XPA: variants seen among roughly 807,000 people sequenced by gnomAD.
The protein encoded by XPA is DNA repair protein complementing XP-A cells.
XPA carries 27 observed loss-of-function variants against 35.7 expected under a neutral mutation model. That is an observed-to-expected ratio of 0.76 (90% CI 0.56 to 1.04). The LOEUF (loss-of-function observed/expected upper bound fraction) is 1.04. Among genes scored for constraint, XPA ranks in the 50% least tolerant of loss-of-function variants. The pLI is 0.00. For synonymous variants in XPA, 133 were observed against 118.4 expected (o/e 1.12, Z -0.80); for missense variants, 354 against 342.7 (o/e 1.03, Z -0.26).
At chr9:97,693,373 A>C (rs554235246) in intron 2 of XPA, among the ~76,000 whole-genome samples, 2 of 152,284 alleles carry the variant, frequency 1.3e-5, no homozygotes, top group South Asian at 4.1e-4. Context: ...CTACCAATCA[A>C]TATACTGGCT....
chr9:97,658,596 G>A, the XPA span: 3 of 1,438,734 alleles, frequency 2.1e-6, no homozygotes, highest in Non-Finnish European at 2.0e-6. Flanking sequence ...CCGAAGAATG[G>A]GACTGATAAA....
chr9:97,697,089 A>T, intron 1 of XPA, 32 bp downstream of exon 1: 1 of 1,510,464 alleles, frequency 6.6e-7, no homozygotes, highest in Non-Finnish European at 8.8e-7. Context: ...AGGCGGGGAG[A>T]GGGAAGGGGA....
At chr9:97,669,075 C>G in the XPA span, 4 of 1,307,472 alleles carry the variant, frequency 3.1e-6, no homozygotes, top group Non-Finnish European at 3.1e-6. Flanking sequence ...AATACACATT[C>G]ATTTATAGAA....
chr9:97,688,582 G>A (rs943444337), intron 3 of XPA, among the ~76,000 whole-genome samples: 2 of 152,148 alleles, frequency 1.3e-5, no homozygotes, highest in Non-Finnish European at 2.9e-5. Context: ...TAGTGTTTCA[G>A]TTCCCAAAAG....
the XPA span, among the ~76,000 whole-genome samples, chr9:97,667,342 G>A: frequency 1.9e-3 from 295 of 152,274 alleles, 2 homozygotes; most frequent in Middle Eastern, 6.8e-3. Context: ...GGGAAGCAGT[G>A]AGTGACTTAA....
In XPA at chr9:97,693,733, T is replaced by C. The variant is rs767594576; in HGVS notation, c.199A>G (p.Lys67Glu). 2.6e-5 allele frequency: 42 copies of C among 1,613,194 alleles called. No individual in the cohort carries two copies. The highest frequency in any genetic ancestry group is 4.5e-5 in the East Asian group (2 of 44,826). Reference sequence around the variant, plus strand: ...AAGCCTCCTCCTGTGTCAATTATCTTTGGGGCTGCTTTTACATTAGCCATG... The same window carrying C: ...AAGCCTCCTCCTGTGTCAATTATCTCTGGGGCTGCTTTTACATTAGCCATG... ...GGMANVKAAP[K>E]IIDTGGGFIL... Residue 67 changes from lysine to glutamate, a missense_variant, in exon 2 of 6, where the codon AAG becomes GAG. By Grantham distance (56) the Lys-to-Glu change is moderately conservative (BLOSUM62 1). Transcript: ENST00000375128.
At chr9:97,690,547 C>G (rs1412131819) in intron 2 of XPA, among the ~76,000 whole-genome samples, 1 of 152,098 alleles carries the variant, frequency 6.6e-6, no homozygotes, top group Non-Finnish European at 1.5e-5. Flanking sequence ...ACCACCATGC[C>G]CAGTTAATTC....
downstream of XPA, chr9:97,672,478 T>C (rs1385303516): frequency 6.6e-6 from 1 of 152,238 alleles, no homozygotes; most frequent in East Asian, 1.9e-4. Context: ...AAATACAAAA[T>C]ATCCAGAAAA....
chr9:97,665,173 T>C, the XPA span, among the ~76,000 whole-genome samples: 2 of 152,248 alleles, frequency 1.3e-5, no homozygotes, highest in Admixed American at 6.5e-5. Flanking sequence ...ATCAGAAATA[T>C]ACTGAATTGT....
chr9:97,682,199 C>A (rs1297125491), intron 5 of XPA: 5 of 473,504 alleles, frequency 1.1e-5, no homozygotes, highest in Non-Finnish European at 2.1e-5. Flanking sequence ...TAATCTCTTA[C>A]CTTCCCATAA....
At chr9:97,654,596 G>C in the XPA span, among the ~76,000 whole-genome samples, 159 of 151,886 alleles carry the variant, frequency 1.0e-3, no homozygotes, top group Non-Finnish European at 9.3e-4. Flanking sequence ...TTTCTGCTAA[G>C]CACAATGAAA....
chr9:97,661,049 T>C, the XPA span: 7 of 1,612,524 alleles, frequency 4.3e-6, no homozygotes. Flanking sequence ...TACCAAATCC[T>C]AACCAGGATG....
At chr9:97,694,340 C>T (rs1828980480) in intron 1 of XPA, among the ~76,000 whole-genome samples, 1 of 152,176 alleles carries the variant, frequency 6.6e-6, no homozygotes, top group Non-Finnish European at 1.5e-5. Context: ...GAAAGTGAAA[C>T]CTTGGAAAAG....
At chr9:97,657,927 T>TATATATATA in the XPA span, among the ~76,000 whole-genome samples, 6 of 93,146 alleles carry the variant, frequency 6.4e-5, no homozygotes, top group African/African-American at 2.7e-4. Flanking sequence ...TATATATATA[T>TATATATATA]TTTTTTTTTT....
the XPA span, among the ~76,000 whole-genome samples, chr9:97,656,888 A>G: frequency 6.6e-6 from 1 of 152,240 alleles, no homozygotes; most frequent in Admixed American, 6.5e-5. Context: ...ATCCTACCAC[A>G]TAATTCACAG....
intron 1 of XPA, among the ~76,000 whole-genome samples, chr9:97,695,766 A>G (rs1407675683): frequency 6.6e-6 from 1 of 152,248 alleles, no homozygotes; most frequent in African/African-American, 2.4e-5. Context: ...AAAGTGTCAC[A>G]AAGATAAAAA....
At chr9:97,674,424 GA>G (rs527449352), downstream of XPA, among the ~76,000 whole-genome samples, 15 of 150,340 alleles carry the variant, frequency 1.0e-4, no homozygotes, top group African/African-American at 2.9e-4. Flanking sequence ...CTCCATTAAA[GA>G]AAAAAAAATG....
the XPA span, among the ~76,000 whole-genome samples, chr9:97,657,620 GTTC>G: frequency 1.7e-4 from 26 of 152,132 alleles, no homozygotes; most frequent in African/African-American, 5.8e-4. Context: ...CTCTTACTCT[GTTC>G]TTCATCAGAT....
rs104894133 is a variant in XPA at position 97,684,977 on chromosome 9, G to A, written c.619C>T (p.Arg207Ter). 23 of 1,612,906 alleles carry A rather than the reference G, an allele frequency of 1.4e-5. No individual in the cohort carries two copies. The highest frequency in any genetic ancestry group is 4.5e-5 in the East Asian group (2 of 44,812). The change falls in exon 5 of 6, where the codon CGA becomes TGA. Residue 207 changes from arginine (R) to a stop codon, truncating the protein, a stop_gained. Transcript: ENST00000375128. LOFTEE classifies it high-confidence loss of function. ...QEALEEAKEV[R>*]QENREKMKQK... ...TTCATTTTTTCTCGGTTTTCCTGTC[G>A]GACTTCCTTTGCTTCTTCTAATGCT... is the stretch of plus-strand genomic sequence containing the variant.
Sources: gnomAD v4.1 joint callset for allele counts (sites outside exome capture counted in the v4.1 genomes callset) on GRCh38, gnomAD v4.1.1 for gene constraint, MANE v1.5 for transcripts, NCBI Gene and HGNC (gene_info 2026-07-23, HGNC 2026-07-21) for gene names.